CCDC7: variants seen among roughly 807,000 people sequenced by gnomAD.
CCDC7 encodes coiled-coil domain-containing protein 7.
Under a neutral mutation model 196.9 loss-of-function variants are expected in CCDC7, and 183 were observed. The observed-to-expected ratio is 0.93, with a 90% CI of 0.82 to 1.05. The LOEUF (loss-of-function observed/expected upper bound fraction) is 1.05. CCDC7 is among the 50% of genes least tolerant of loss of function. The pLI is 0.00. For missense variants in CCDC7, 1,540 were observed against 1,482.2 expected, an observed-to-expected ratio of 1.04 and a Z score of -0.64; for synonymous variants, 525 against 484.6, an observed-to-expected ratio of 1.08 and a Z score of -1.10.
At chr10:32,661,965 C>A (rs532573466) in intron 20 of CCDC7, among the ~76,000 whole-genome samples, 55 of 152,102 alleles carry the variant, frequency 3.6e-4, no homozygotes, top group African/African-American at 1.3e-3. Context: ...GTCCTTGTGG[C>A]CTATATTGCC....
chr10:32,729,048 C>T (rs2083527639), intron 27 of CCDC7, 51 bp downstream of exon 28: 2 of 1,245,192 alleles, frequency 1.6e-6, no homozygotes, highest in Non-Finnish European at 1.1e-6. Context: ...TTGAACTCAT[C>T]AGATCTTTTC....
At chr10:32,619,697 T>C (rs2063167939) in intron 18 of CCDC7, among the ~76,000 whole-genome samples, 1 of 152,032 alleles carries the variant, frequency 6.6e-6, no homozygotes, top group African/African-American at 2.4e-5. Flanking sequence ...TCAAGCAATC[T>C]TCTTCCTGCT....
rs1387498337 is a variant in CCDC7, at chr10:32,689,168, G to A, written c.2344+5G>A. On this transcript the variant is annotated splice_donor_5th_base_variant and intron_variant, in intron 23 of 41. Coordinates refer to ENST00000639629, the Ensembl canonical transcript of CCDC7. ...TCAAAGGGCAAAGAATTATTAGTAAGTATAAAAAGTAAAGATAACTTTAAA... is the reference window on the plus strand; with the variant it reads ...TCAAAGGGCAAAGAATTATTAGTAAATATAAAAAGTAAAGATAACTTTAAA... 1 of 1,481,434 alleles carries A rather than the reference G, an allele frequency of 6.8e-7. No homozygotes were observed. The highest frequency in any genetic ancestry group is 1.9e-5 in the Admixed American group (1 of 52,644). 91.8% of individuals were successfully genotyped at this position (1,481,434 alleles called of 1,614,324 possible). A position where few individuals can be genotyped will look rare whatever the true frequency, so the allele number is the denominator to read the frequency against.
rs1177931926 is a variant in CCDC7 at position 32,689,233 on chromosome 10, G to A, written c.2344+70G>A. ...GTTCATCCGAAGGTATTTTTGCTTTGATTCACAAAAGTTTTACACTTTGAC... is the reference window on the plus strand; with the variant it reads ...GTTCATCCGAAGGTATTTTTGCTTTAATTCACAAAAGTTTTACACTTTGAC... On this transcript the variant is annotated intron_variant, in intron 23 of 41. Transcript: ENST00000639629. The A allele has an allele frequency of 2.5e-5, 26 of 1,045,652 alleles. No homozygotes were observed. The East Asian group carries it at 7.1e-4, about 29-fold the overall frequency. 64.8% of individuals were successfully genotyped at this position (1,045,652 alleles called of 1,614,324 possible).
At chr10:32,706,781 A>G (rs2079843458) in intron 24 of CCDC7, among the ~76,000 whole-genome samples, 1 of 152,232 alleles carries the variant, frequency 6.6e-6, no homozygotes, top group East Asian at 1.9e-4. Context: ...AAGAAGTTGA[A>G]TCCCTGAATA....
chr10:32,678,009 A>C (rs541465174), intron 21 of CCDC7, among the ~76,000 whole-genome samples: 2 of 151,846 alleles, frequency 1.3e-5, no homozygotes, highest in Non-Finnish European at 2.9e-5. Flanking sequence ...CTATCTATGA[A>C]ATTTTTCAGT....
At chr10:32,713,635 G>C (rs2081164628) in intron 25 of CCDC7, among the ~76,000 whole-genome samples, 1 of 152,258 alleles carries the variant, frequency 6.6e-6, no homozygotes, top group Admixed American at 6.5e-5. Context: ...ATGGACCTTA[G>C]TGCCTGGTGG....
intron 18 of CCDC7, among the ~76,000 whole-genome samples, chr10:32,609,113 G>A (rs1035087708): frequency 6.6e-6 from 1 of 152,140 alleles, no homozygotes; most frequent in Non-Finnish European, 1.5e-5. Context: ...GGTCTTTAGA[G>A]GTCTGTTATG....
intron 25 of CCDC7, among the ~76,000 whole-genome samples, chr10:32,717,925 C>G (rs1313651692): frequency 2.0e-5 from 3 of 147,904 alleles, no homozygotes; most frequent in Admixed American, 1.4e-4. Flanking sequence ...CAGGGCCAGA[C>G]AGATTCACAG....
intron 23 of CCDC7, among the ~76,000 whole-genome samples, chr10:32,690,275 G>C (rs2076934795): frequency 6.6e-6 from 1 of 152,176 alleles, no homozygotes; most frequent in African/African-American, 2.4e-5. Context: ...TGAAAGGCTA[G>C]TCCTCCCCTT....
intron 11 of CCDC7, among the ~76,000 whole-genome samples, chr10:32,542,407 C>T (rs561201177): frequency 1.3e-5 from 2 of 152,016 alleles, no homozygotes; most frequent in South Asian, 2.1e-4. Context: ...CCGAGGCGGG[C>T]GGATCACCAG....
downstream of CCDC7, among the ~76,000 whole-genome samples, chr10:32,878,508 T>G (rs1227056929): frequency 6.6e-6 from 1 of 152,082 alleles, no homozygotes; most frequent in East Asian, 1.9e-4. Flanking sequence ...CCCTTAATAT[T>G]GAGCAGGGGA....
chr10:32,804,625 T>C (rs1281567476), intron 29 of CCDC7, among the ~76,000 whole-genome samples: 2 of 152,176 alleles, frequency 1.3e-5, no homozygotes, highest in African/African-American at 4.8e-5. Flanking sequence ...GGTATATCCA[T>C]GTGGTATGAA....
At chr10:32,542,940 G>A (rs2051741302) in intron 11 of CCDC7, among the ~76,000 whole-genome samples, 1 of 152,014 alleles carries the variant, frequency 6.6e-6, no homozygotes, top group Non-Finnish European at 1.5e-5. Flanking sequence ...CAAGGTTTTT[G>A]CAAGATGTGC....
In CCDC7 at chr10:32,741,154, C is replaced by T. The variant is rs148104420; in HGVS notation, c.2905+11697C>T. 5.9e-3 allele frequency among the ~76,000 whole-genome samples: 903 copies of T among 152,110 alleles called. 9 individuals carry two copies. The highest frequency in any genetic ancestry group is 0.021 in the African/African-American group (861 of 41,518). The stretch of plus-strand genomic sequence containing the variant: ...TTTATTTTGAAATTCTGAGATTTCT[C>T]AATAAATTATTTTTTCCTAGGTAGT... On this transcript the variant is annotated intron_variant, in intron 28 of 41. Transcript: ENST00000639629.
intron 11 of CCDC7, among the ~76,000 whole-genome samples, chr10:32,533,742 A>G (rs975422937): frequency 3.3e-5 from 5 of 152,000 alleles, no homozygotes; most frequent in African/African-American, 1.2e-4. Context: ...CCTGGCCTGT[A>G]TTATTTTCAT....
At chr10:32,662,747 A>G (rs2071768626) in intron 20 of CCDC7, among the ~76,000 whole-genome samples, 1 of 152,188 alleles carries the variant, frequency 6.6e-6, no homozygotes, top group Admixed American at 6.6e-5. Context: ...TTTTTCAGTT[A>G]AGATCTGGAT....
chr10:32,788,409 C>G (rs1008115173), intron 29 of CCDC7, among the ~76,000 whole-genome samples: 16 of 152,196 alleles, frequency 1.1e-4, no homozygotes, highest in Non-Finnish European at 2.9e-5. Flanking sequence ...CCTCAGATTC[C>G]AGGCCTATTT....
chr10:32,444,843 C>T (rs1253232153), upstream of CCDC7, among the ~76,000 whole-genome samples: 1 of 146,516 alleles, frequency 6.8e-6, no homozygotes, highest in African/African-American at 2.5e-5. Context: ...TAAGCATATG[C>T]CTTCATGTTT....
Sources: gnomAD v4.1 joint callset for allele counts (sites outside exome capture counted in the v4.1 genomes callset) on GRCh38, gnomAD v4.1.1 for gene constraint, MANE v1.5 for transcripts, NCBI Gene and HGNC (gene_info 2026-07-23, HGNC 2026-07-21) for gene names.